MYT1: variants seen among roughly 807,000 people sequenced by gnomAD.
The protein encoded by MYT1 is myelin transcription factor I.
MYT1 carries 23 observed loss-of-function variants against 123.0 expected under a neutral mutation model. The ratio of observed to expected loss-of-function variants is 0.19; its 90% confidence interval spans 0.13 to 0.26. The LOEUF is 0.26. Among genes scored for constraint, MYT1 ranks in the 10% least tolerant of loss-of-function variants. MYT1 has a pLI of 1.00. For missense variants in MYT1, 1,125 were observed against 1,472.5 expected (o/e 0.76, Z 3.86); for synonymous variants, 518 against 575.3 (o/e 0.90, Z 1.43).
chr20:64,184,726 T>G (rs913487050), intron 1 of MYT1, among the ~76,000 whole-genome samples: 2 of 152,152 alleles, frequency 1.3e-5, no homozygotes, highest in Non-Finnish European at 2.9e-5. Context: ...GAAAATAACA[T>G]TGGCAGGATT....
chr20:64,172,992 G>C (rs922880853), intron 1 of MYT1, among the ~76,000 whole-genome samples: 1 of 152,058 alleles, frequency 6.6e-6, no homozygotes, highest in Admixed American at 6.6e-5. Flanking sequence ...GCCTCCCAAA[G>C]TGTTAGGATT....
chr20:64,209,204 C>T (rs1432620990), intron 7 of MYT1, among the ~76,000 whole-genome samples: 3 of 152,048 alleles, frequency 2.0e-5, no homozygotes, highest in African/African-American at 4.8e-5. Context: ...CCTGAGTAAA[C>T]GGTTACGGCC....
intron 2 of MYT1, among the ~76,000 whole-genome samples, chr20:64,197,506 G>C (rs1046961496): frequency 6.6e-6 from 1 of 152,180 alleles, no homozygotes; most frequent in South Asian, 2.1e-4. Context: ...TGGCAGCTCT[G>C]GTGTCTGTGG....
At chr20:64,182,362 GC>G (rs1443576444) in intron 1 of MYT1, among the ~76,000 whole-genome samples, 2 of 152,226 alleles carry the variant, frequency 1.3e-5, no homozygotes, top group Non-Finnish European at 2.9e-5. Flanking sequence ...AGAATGGGGG[GC>G]TGTTGCTGCT....
At chr20:64,217,514 A>G (rs1176566107) in intron 11 of MYT1, among the ~76,000 whole-genome samples, 1 of 152,132 alleles carries the variant, frequency 6.6e-6, no homozygotes, top group East Asian at 1.9e-4. Flanking sequence ...CACCATTAAC[A>G]TTTATGTGTC....
chr20:64,180,843 T>C (rs186680997), intron 1 of MYT1, among the ~76,000 whole-genome samples: 54 of 152,364 alleles, frequency 3.5e-4, no homozygotes, highest in South Asian at 4.1e-4. Context: ...GATTTTGTGG[T>C]TTGTTTTTCT....
At position 64,232,636 on chromosome 20, in the gene MYT1, C is replaced by A. The variant is rs181181180; in HGVS notation, c.2897+251C>A. ...CCACCCTTCCACATCCTGATGGAGT[C>A]CTTCCTGGCTGGGTGTTATGCTGGA... On this transcript the variant is annotated intron_variant, in intron 19 of 22. Coordinates refer to ENST00000328439, the MANE Select transcript of MYT1 (RefSeq NM_004535.3). The surrounding 1 kb of genome is among the most constrained non-coding windows in gnomAD (Gnocchi z 6.9). 5.7e-4 allele frequency among the ~76,000 whole-genome samples: 87 copies of A among 152,280 alleles called. No individual in the cohort carries two copies. The highest frequency in any genetic ancestry group is 6.8e-3 in the Middle Eastern group (2 of 294).
chr20:64,230,991 G>A lies in MYT1; in HGVS notation c.2676-1173G>A, dbSNP rs530493289. Among the ~76,000 whole-genome samples, 6 of 152,286 alleles carry A rather than the reference G, an allele frequency of 3.9e-5. No homozygotes were observed. In the South Asian group the frequency reaches 1.2e-3, roughly 32 times the overall value. The stretch of plus-strand genomic sequence containing the variant: ...GGCCTTGTTGACCTTCCACTGGGCA[G>A]CGCAGCCCTGAGCCGCCTCTCACCC... On this transcript the variant is annotated intron_variant, in intron 18 of 22. Coordinates refer to ENST00000328439, the MANE Select transcript of MYT1 (RefSeq NM_004535.3).
chr20:64,211,790 G>A (rs1601715414), intron 8 of MYT1, among the ~76,000 whole-genome samples: 2 of 152,224 alleles, frequency 1.3e-5, no homozygotes, highest in African/African-American at 4.8e-5. Context: ...GCTGAGTCTG[G>A]TTTCTGCCGC....
rs1350940198 is a variant in MYT1 at position 64,196,199 on chromosome 20, GT to G, written c.1-2660del. On this transcript the variant is annotated intron_variant, in intron 2 of 22. Coordinates refer to ENST00000328439, the MANE Select transcript of MYT1 (RefSeq NM_004535.3). The surrounding 1 kb of genome is among the most constrained non-coding windows in gnomAD (Gnocchi z 4.3). ...AAAAATCAATGAAAAATTGAGAAGTGTTTAATTTTCTTTGCATCATTGAGCT... is the reference window on the plus strand; with the variant it reads ...AAAAATCAATGAAAAATTGAGAAGTGTTAATTTTCTTTGCATCATTGAGCT... Among the ~76,000 whole-genome samples, 1 of 152,124 alleles carries G rather than the reference GT, an allele frequency of 6.6e-6. No homozygotes were observed. The highest frequency in any genetic ancestry group is 1.5e-5 in the Non-Finnish European group (1 of 68,024).
chr20:64,196,732 G>C lies in MYT1; in HGVS notation c.1-2130G>C, dbSNP rs577178287. Reference sequence around the variant, plus strand: ...CGGCAGAGCTGTCAGCTTCATCAACGGGAGCTCACAGTTTTCAAGCAGTGC... The same window carrying C: ...CGGCAGAGCTGTCAGCTTCATCAACCGGAGCTCACAGTTTTCAAGCAGTGC... On this transcript the variant is annotated intron_variant, in intron 2 of 22. Coordinates refer to ENST00000328439, the MANE Select transcript of MYT1 (RefSeq NM_004535.3). The surrounding 1 kb of genome is among the most constrained non-coding windows in gnomAD (Gnocchi z 4.3). Among the ~76,000 whole-genome samples the C allele has an allele frequency of 1.3e-5, 2 of 152,108 alleles. No homozygotes were observed. The highest frequency in any genetic ancestry group is 2.9e-5 in the Non-Finnish European group (2 of 68,014).
chr20:64,172,981 G>A (rs1396710452), intron 1 of MYT1, among the ~76,000 whole-genome samples: 2 of 151,888 alleles, frequency 1.3e-5, no homozygotes, highest in Admixed American at 6.6e-5. Flanking sequence ...CACCCACCTC[G>A]GCCTCCCAAA....
In MYT1 at chr20:64,185,896, C is replaced by T. The variant is rs977360342; in HGVS notation, c.-98-4167C>T. ...GGCCAGCAGCACTTCCTGGGAAGAG[C>T]CCAGCAGAGCACTGGCTCTCAGTGG... On this transcript the variant is annotated intron_variant, in intron 1 of 22. Transcript: ENST00000328439. This position sits in a 1 kb window ranked among gnomAD's most constrained non-coding sequence, Gnocchi z 4.5. Among the ~76,000 whole-genome samples, 6 of 152,196 alleles carry T rather than the reference C, an allele frequency of 3.9e-5. No homozygotes were observed. The highest frequency in any genetic ancestry group is 1.4e-4 in the African/African-American group (6 of 41,450).
rs1399475027 is a variant in MYT1, at chr20:64,167,377, G to A, written c.-99+2638G>A. On this transcript the variant is annotated intron_variant, in intron 1 of 22. Coordinates refer to ENST00000328439, the MANE Select transcript of MYT1 (RefSeq NM_004535.3). The surrounding 1 kb of genome is among the most constrained non-coding windows in gnomAD (Gnocchi z 6.3). Reference sequence around the variant, plus strand: ...CTTGTGTCCACCCAGTCCCTCTGTCGGGGCTCAGGGTGGGGATGAGACCGG... The same window carrying A: ...CTTGTGTCCACCCAGTCCCTCTGTCAGGGCTCAGGGTGGGGATGAGACCGG... Among the ~76,000 whole-genome samples the A allele has an allele frequency of 2.0e-5, 3 of 152,190 alleles. No homozygotes were observed. The highest frequency in any genetic ancestry group is 2.9e-5 in the Non-Finnish European group (2 of 68,046).
rs192827730 is a variant in MYT1, at chr20:64,185,871, G to A, written c.-98-4192G>A. 1.5e-3 allele frequency among the ~76,000 whole-genome samples: 223 copies of A among 152,342 alleles called. No homozygotes were observed. Among genetic ancestry groups the A allele is most frequent in the African/African-American group, 5.2e-3 (215 of 41,590 alleles). On this transcript the variant is annotated intron_variant, in intron 1 of 22. Transcript: ENST00000328439. The surrounding 1 kb of genome is among the most constrained non-coding windows in gnomAD (Gnocchi z 4.5). ...GACGACAGAAGGAAACCTTGGGGTA[G>A]GCCAGCAGCACTTCCTGGGAAGAGC...
rs150482914 is a variant in MYT1, at chr20:64,186,738, C to T, written c.-98-3325C>T. ...AGGGCGTCTTTATGGAACACCTCCACGTTTCCGTGGAGAGATTTCCTGTAG... is the reference window on the plus strand; with the variant it reads ...AGGGCGTCTTTATGGAACACCTCCATGTTTCCGTGGAGAGATTTCCTGTAG... On this transcript the variant is annotated intron_variant, in intron 1 of 22. Transcript: ENST00000328439. The surrounding 1 kb of genome is among the most constrained non-coding windows in gnomAD (Gnocchi z 4.3). Among the ~76,000 whole-genome samples the T allele has an allele frequency of 1.2e-3, 182 of 152,382 alleles. 3 individuals are homozygous for T. The highest frequency in any genetic ancestry group is 1.8e-3 in the Non-Finnish European group (121 of 68,040).
intron 19 of MYT1, among the ~76,000 whole-genome samples, chr20:64,236,217 T>TGTGGTGGGTGACCCTGGGCTGGCC (rs1984534439): frequency 1.1e-4 from 5 of 45,452 alleles, no homozygotes; most frequent in Admixed American, 2.5e-4. Flanking sequence ...CTGGGCTGGC[T>TGTGGTGGGTGACCCTGGGCTGGCC]GTGGTGGGTG....
chr20:64,200,116 C>T (rs1273152144), intron 4 of MYT1, among the ~76,000 whole-genome samples, 194 bp downstream of exon 4: 1 of 152,240 alleles, frequency 6.6e-6, no homozygotes, highest in East Asian at 1.9e-4. Flanking sequence ...GTTCTCACCT[C>T]TGTCCTGGCC....
rs895053925 is a variant in MYT1, at chr20:64,166,465, G to A, written c.-99+1726G>A. ...CAGGAGCCACAGAGAGTTGGACAAAGAGGCCTTTCTGCTCTGGAACAGCCT... is the reference window on the plus strand; with the variant it reads ...CAGGAGCCACAGAGAGTTGGACAAAAAGGCCTTTCTGCTCTGGAACAGCCT... On this transcript the variant is annotated intron_variant, in intron 1 of 22. Coordinates refer to ENST00000328439, the MANE Select transcript of MYT1 (RefSeq NM_004535.3). The surrounding 1 kb of genome is among the most constrained non-coding windows in gnomAD (Gnocchi z 4.9). Among the ~76,000 whole-genome samples, 1 of 152,168 alleles carries A rather than the reference G, an allele frequency of 6.6e-6. No homozygotes were observed. Among genetic ancestry groups the A allele is most frequent in the African/African-American group, 2.4e-5 (1 of 41,438 alleles).
Sources: allele counts gnomAD v4.1 joint callset (sites outside exome capture counted in the v4.1 genomes callset), GRCh38; gene constraint gnomAD v4.1.1; non-coding constraint Gnocchi (gnomAD v3.1); transcripts MANE v1.5; gene names NCBI Gene and HGNC (gene_info 2026-07-23, HGNC 2026-07-21).